The following FBXW10 variants were observed in gnomAD, a reference collection of about 807,000 sequenced individuals.
FBXW10 encodes the protein F-box/WD repeat-containing protein 10.
A neutral mutation model predicts 113.1 loss-of-function variants in FBXW10; 68 were observed. The observed-to-expected ratio is 0.60, with a 90% CI of 0.49 to 0.74. FBXW10 has a LOEUF of 0.74. Ranked by LOEUF, FBXW10 falls within the 30% of genes least tolerant of loss-of-function variation. The pLI is 0.00. For synonymous variants in FBXW10, 289 were observed against 481.6 expected, an observed-to-expected ratio of 0.60 and a Z score of 5.24; for missense variants, 753 against 1,284.5, an observed-to-expected ratio of 0.59 and a Z score of 6.32.
At chr17:18,759,910 G>C (rs942374740) in intron 7 of FBXW10, among the ~76,000 whole-genome samples, 32 of 98,742 alleles carry the variant, frequency 3.2e-4, no homozygotes, top group African/African-American at 9.6e-4. Context: ...CCACCGCGCC[G>C]GGCCCTTGTT....
intron 7 of FBXW10, among the ~76,000 whole-genome samples, chr17:18,760,114 T>C (rs2035351792): frequency 6.6e-6 from 1 of 152,214 alleles, no homozygotes; most frequent in Non-Finnish European, 1.5e-5. Flanking sequence ...TCTCTTCTTA[T>C]ATATTCTCAC....
At chr17:18,757,110 A>G (rs1303439047) in intron 6 of FBXW10, among the ~76,000 whole-genome samples, 5 of 152,244 alleles carry the variant, frequency 3.3e-5, no homozygotes, top group Admixed American at 2.0e-4. Context: ...ATGTACATGT[A>G]TATATATACA....
intron 1 of FBXW10, chr17:18,745,104 C>G (rs1410322985): frequency 3.5e-6 from 4 of 1,147,964 alleles, no homozygotes; most frequent in Non-Finnish European, 4.3e-6. Context: ...GGACTGAGCT[C>G]GAGAGGGTTG....
intron 7 of FBXW10, among the ~76,000 whole-genome samples, chr17:18,761,972 T>C (rs537733864): frequency 6.6e-6 from 1 of 151,972 alleles, no homozygotes; most frequent in Non-Finnish European, 1.5e-5. Context: ...TCTTTTTCTT[T>C]TTTTTTTTGA....
intron 6 of FBXW10, among the ~76,000 whole-genome samples, chr17:18,756,573 C>T (rs1171427672): frequency 6.6e-6 from 1 of 151,572 alleles, no homozygotes; most frequent in Non-Finnish European, 1.5e-5. Flanking sequence ...TGATGTCTAC[C>T]CTTCTAGAAT....
At chr17:18,747,688 ACTCT>A (rs771525026) in intron 1 of FBXW10, among the ~76,000 whole-genome samples, 3 of 150,764 alleles carry the variant, frequency 2.0e-5, no homozygotes, top group Non-Finnish European at 3.0e-5. Context: ...CCTGACCTCG[ACTCT>A]CTCTCTCTCT....
In FBXW10 at chr17:18,778,886, C is replaced by T. The variant is rs1195716903; in HGVS notation, c.2747C>T (p.Ser916Phe). ...ATACCCCAGCCCATGATTATCCGCT[C>T]CAGGTTCTCTGGCAGCTTAAAGGGT... is the stretch of plus-strand genomic sequence containing the variant. ...STIPQPMIIRSRFSGSLKGGD... is the reference protein window; with the variant it reads ...STIPQPMIIRFRFSGSLKGGD... Residue 916 changes from serine to phenylalanine, a missense_variant, in exon 14 of 14, where the codon TCC becomes TTC. Ser to Phe is a radical substitution (Grantham distance 155). Coordinates refer to ENST00000395665, the MANE Select transcript of FBXW10 (RefSeq NM_001267585.2). 1.2e-6 allele frequency: 2 copies of T among 1,613,840 alleles called. No individual in the cohort carries two copies. Among genetic ancestry groups the T allele is most frequent in the South Asian group, 2.2e-5 (2 of 91,062 alleles).
chr17:18,757,639 C>T (rs1277463561), intron 6 of FBXW10, among the ~76,000 whole-genome samples: 1 of 152,148 alleles, frequency 6.6e-6, no homozygotes, highest in African/African-American at 2.4e-5. Flanking sequence ...AGAGCAAGAC[C>T]TTGTCTCTAA....
At chr17:18,772,379 C>T (rs766381921) in intron 11 of FBXW10, 33 bp from the exon 12 acceptor site, 18 of 1,600,102 alleles carry the variant, frequency 1.1e-5, no homozygotes, top group Non-Finnish European at 1.5e-5. Context: ...CTCCACAGTC[C>T]TTTTGTGGAC....
At chr17:18,772,824 C>A in intron 12 of FBXW10, 141 bp downstream of exon 12, 1 of 692,430 alleles carries the variant, frequency 1.4e-6, no homozygotes, top group Non-Finnish European at 2.5e-6. Flanking sequence ...AAATCCTAAC[C>A]CTCCAGGAAG....
At position 18,766,820 on chromosome 17, in the gene FBXW10, G is replaced by A. The variant is rs772340479; in HGVS notation, c.1662G>A (p.Gly554=). ...DTYIVSSCER[G]LVKVWHIAMA... is the part of the protein sequence containing the mutation. Reference sequence around the variant, plus strand: ...ACATTGTGAGCAGCTGTGAGCGAGGGCTGGTGAAAGTGTGGCACATTGCCA... The same window carrying A: ...ACATTGTGAGCAGCTGTGAGCGAGGACTGGTGAAAGTGTGGCACATTGCCA... The change falls in exon 9 of 14, where the codon GGG becomes GGA. Residue 554 remains glycine (G), a synonymous_variant. Transcript: ENST00000395665. The A allele has an allele frequency of 1.9e-6, 3 of 1,611,908 alleles. No individual in the cohort carries two copies. The highest frequency in any genetic ancestry group is 2.5e-6 in the Non-Finnish European group (3 of 1,178,206).
chr17:18,770,417 C>T (rs2035590507), intron 11 of FBXW10, among the ~76,000 whole-genome samples: 1 of 152,132 alleles, frequency 6.6e-6, no homozygotes, highest in Non-Finnish European at 1.5e-5. Context: ...AATTCTCTGC[C>T]TCAGCCTCCC....
At chr17:18,775,715 A>C (rs1469641761) in intron 13 of FBXW10, among the ~76,000 whole-genome samples, 2 of 152,180 alleles carry the variant, frequency 1.3e-5, no homozygotes, top group Admixed American at 6.6e-5. Flanking sequence ...AGAAAGAGAG[A>C]TGGGGATGCA....
At chr17:18,764,444 C>T (rs1185038322) in intron 7 of FBXW10, among the ~76,000 whole-genome samples, 1 of 152,128 alleles carries the variant, frequency 6.6e-6, no homozygotes, top group African/African-American at 2.4e-5. Flanking sequence ...TCATGATCTG[C>T]CCGCCTCAGC....
Position 18,764,803 on chromosome 17 carries a change from A to C in FBXW10, c.1495A>C (p.Thr499Pro). The C allele has an allele frequency of 6.2e-7, 1 of 1,613,948 alleles. No homozygotes were observed. The highest frequency in any genetic ancestry group is 8.5e-7 in the Non-Finnish European group (1 of 1,179,848). Residue 499 changes from threonine to proline, a missense_variant, in exon 8 of 14, where the codon ACT (threonine) becomes CCT (proline). Physicochemically the swap from Thr to Pro is conservative, Grantham distance 38. Coordinates refer to ENST00000395665, the MANE Select transcript of FBXW10 (RefSeq NM_001267585.2). ...RIFGGHQGTI[T>P]CMDLCKNRLV... ...CTTCGGTGGTCACCAGGGGACTATC[A>C]CTTGCATGGACTTGTGTAAGAACAG...
At chr17:18,749,156 T>G (rs2035104860) in intron 2 of FBXW10, among the ~76,000 whole-genome samples, 1 of 152,134 alleles carries the variant, frequency 6.6e-6, no homozygotes, top group Non-Finnish European at 1.5e-5. Context: ...TTAAGAAAAT[T>G]CCAGGCACAA....
chr17:18,760,672 A>G (rs80282121), intron 7 of FBXW10, among the ~76,000 whole-genome samples: 20,810 of 137,158 alleles, frequency 0.15, no homozygotes, highest in East Asian at 0.25. Flanking sequence ...GCATGGTGGC[A>G]CATGCCTGTA....
At chr17:18,769,236 A>C (rs1346187611) in intron 10 of FBXW10, among the ~76,000 whole-genome samples, 2 of 152,110 alleles carry the variant, frequency 1.3e-5, no homozygotes, top group Admixed American at 1.3e-4. Flanking sequence ...TGCCCAGCCA[A>C]TAATACTATT....
At chr17:18,767,823 G>A (rs1003941879) in intron 9 of FBXW10, among the ~76,000 whole-genome samples, 1 of 151,940 alleles carries the variant, frequency 6.6e-6, no homozygotes, top group African/African-American at 2.4e-5. Context: ...CCTTACCTTC[G>A]TCCTTCTCAC....
Sources: gnomAD v4.1 joint callset for allele counts (sites outside exome capture counted in the v4.1 genomes callset) on GRCh38, gnomAD v4.1.1 for gene constraint, MANE v1.5 for transcripts, NCBI Gene and HGNC (gene_info 2026-07-23, HGNC 2026-07-21) for gene names.